The following NCLN variants were observed in gnomAD, a reference collection of about 807,000 sequenced individuals.
NCLN encodes nicalin.
Under a neutral mutation model 69.5 loss-of-function variants are expected in NCLN, and 34 were observed. That is an observed-to-expected ratio of 0.49 (90% CI 0.37 to 0.65). The LOEUF is 0.65. NCLN is among the 30% of genes least tolerant of loss of function. The pLI is 0.00. For missense variants in NCLN, 710 were observed against 804.8 expected (o/e 0.88, Z 1.42); for synonymous variants, 393 against 358.3 (o/e 1.10, Z -1.09).
chr19:3,208,065 C>T lies in NCLN; in HGVS notation c.*377C>T, dbSNP rs766913104. The T allele has an allele frequency of 3.7e-5, 9 of 241,458 alleles. No homozygotes were observed. The highest frequency in any genetic ancestry group is 6.5e-5 in the Non-Finnish European group (8 of 122,556). 15.0% of individuals were successfully genotyped at this position (241,458 alleles called of 1,614,324 possible). ...CCGATCGCGCGCGGCCTCCGCCCAC[C>T]GCCTCCTGCCGCAAGGGGCCTGGAC... On this transcript the variant is annotated 3_prime_UTR_variant, in exon 15 of 15. Coordinates refer to ENST00000246117, the MANE Select transcript of NCLN (RefSeq NM_020170.4).
chr19:3,198,924 C>A (rs1478907642), intron 5 of NCLN, 27 bp downstream of exon 5: 1 of 1,407,942 alleles, frequency 7.1e-7, no homozygotes. Context: ...CCATTCCCCC[C>A]ACCCCACAGG....
intron 12 of NCLN, 133 bp downstream of exon 12, chr19:3,206,558 C>G: frequency 1.7e-6 from 2 of 1,196,350 alleles, no homozygotes; most frequent in Non-Finnish European, 2.3e-6. Flanking sequence ...GGATGAGGGC[C>G]GGACACGGCG....
Position 3,190,491 on chromosome 19 carries a change from A to G in NCLN, c.185-1979A>G, listed in dbSNP as rs1223101972. Among the ~76,000 whole-genome samples, 4 of 152,156 alleles carry G rather than the reference A, an allele frequency of 2.6e-5. 1 individual carries two copies. The highest frequency in any genetic ancestry group is 5.9e-5 in the Non-Finnish European group (4 of 68,010). The stretch of plus-strand genomic sequence containing the variant: ...GGCTGCTTCCCTCCCACCGCTTCCC[A>G]GACAGCACATTGCTGGACACAGAGC... On this transcript the variant is annotated intron_variant, in intron 1 of 14. Transcript: ENST00000246117.
At chr19:3,202,206 C>T (rs1916144280) in intron 6 of NCLN, among the ~76,000 whole-genome samples, 1 of 152,102 alleles carries the variant, frequency 6.6e-6, no homozygotes, top group Non-Finnish European at 1.5e-5. Flanking sequence ...AAATCCACAC[C>T]CTGAGTAGGA....
intron 1 of NCLN, among the ~76,000 whole-genome samples, chr19:3,188,947 A>T (rs1181380517): frequency 2.0e-5 from 3 of 152,172 alleles, no homozygotes; most frequent in Non-Finnish European, 4.4e-5. Context: ...GAGAAGCCCC[A>T]GCGTGCTGCC....
intron 9 of NCLN, 27 bp downstream of exon 9, chr19:3,204,778 C>A: frequency 7.0e-7 from 1 of 1,419,672 alleles, no homozygotes; most frequent in East Asian, 2.8e-5. Context: ...CTGCCCGGCC[C>A]CTCCTAGGGC....
Position 3,205,875 on chromosome 19 carries a change from G to A in NCLN, c.1209-64G>A. 6.9e-7 allele frequency: 1 copy of A among 1,442,850 alleles called. No homozygotes were observed. Among genetic ancestry groups the A allele is most frequent in the African/African-American group, 1.4e-5 (1 of 71,528 alleles). 89.4% of individuals were successfully genotyped at this position (1,442,850 alleles called of 1,614,324 possible). On this transcript the variant is annotated intron_variant, in intron 9 of 14. Coordinates refer to ENST00000246117, the MANE Select transcript of NCLN (RefSeq NM_020170.4). The surrounding 1 kb of genome is among the most constrained non-coding windows in gnomAD (Gnocchi z 4.6). ...CTAGGCTGGAGTGCTGGGATTACAA[G>A]TGTGAGAGCTACCTTGCCTGGCCCA...
chr19:3,198,901 C>A lies in NCLN; in HGVS notation c.696+4C>A. The A allele has an allele frequency of 1.4e-6, 2 of 1,472,704 alleles. No homozygotes were observed. The highest frequency in any genetic ancestry group is 1.4e-5 in the South Asian group (1 of 72,984). 91.2% of individuals were successfully genotyped at this position (1,472,704 alleles called of 1,614,324 possible). A position where few individuals can be genotyped will look rare whatever the true frequency, so the allele number is the denominator to read the frequency against. ...CGACGCCTTTGGAGTGGCCCCCGTA[C>A]GTATGTGTGTCCCCATTCCCCCCAC... is the stretch of plus-strand genomic sequence containing the variant. On this transcript the variant is annotated splice_donor_region_variant and intron_variant, in intron 5 of 14. Transcript: ENST00000246117.
chr19:3,186,634 G>C (rs956740692), intron 1 of NCLN, among the ~76,000 whole-genome samples: 9 of 152,214 alleles, frequency 5.9e-5, no homozygotes, highest in Admixed American at 4.6e-4. Flanking sequence ...CTCCCGTCCT[G>C]ACCTCCAGCT....
intron 5 of NCLN, 97 bp from the exon 6 acceptor site, chr19:3,201,426 G>A (rs1474940441): frequency 9.7e-5 from 79 of 814,704 alleles, no homozygotes. Context: ...GTAGGGTGGG[G>A]GTGACGGAGA....
chr19:3,187,369 G>A (rs1915697763), intron 1 of NCLN, among the ~76,000 whole-genome samples: 1 of 152,106 alleles, frequency 6.6e-6, no homozygotes, highest in Non-Finnish European at 1.5e-5. Context: ...GGCCTTCCCT[G>A]TGAAGGAGTC....
chr19:3,190,266 C>CT (rs1164604633), intron 1 of NCLN, among the ~76,000 whole-genome samples: 2 of 152,186 alleles, frequency 1.3e-5, no homozygotes, highest in Non-Finnish European at 2.9e-5. Context: ...ATGTCAGGCT[C>CT]TGAGAGGGGA....
chr19:3,194,427 C>G (rs1915906427), intron 3 of NCLN, among the ~76,000 whole-genome samples: 1 of 152,156 alleles, frequency 6.6e-6, no homozygotes, highest in Non-Finnish European at 1.5e-5. Flanking sequence ...CAGTGGAATT[C>G]CAGATGCAGA....
intron 1 of NCLN, among the ~76,000 whole-genome samples, chr19:3,189,153 C>G (rs1406072957): frequency 6.6e-6 from 1 of 152,186 alleles, no homozygotes; most frequent in Non-Finnish European, 1.5e-5. Context: ...GCACAGCACC[C>G]CTCTCCTGGG....
At position 3,204,973 on chromosome 19, in the gene NCLN, G is replaced by T. The variant is rs1916228401; in HGVS notation, c.1208+222G>T. Among the ~76,000 whole-genome samples the T allele has an allele frequency of 2.0e-5, 3 of 152,178 alleles. No homozygotes were observed. In the South Asian group the frequency reaches 6.2e-4, roughly 31 times the overall value. On this transcript the variant is annotated intron_variant, in intron 9 of 14. Transcript: ENST00000246117. ...GCGAGGCCAGCAGCCTGAGGTCGTG[G>T]CCCCATATAGGACCCCCAGACCCCG...
At chr19:3,203,727 C>A in intron 6 of NCLN, 29 bp from the exon 7 acceptor site, 1 of 1,593,070 alleles carries the variant, frequency 6.3e-7, no homozygotes, top group Non-Finnish European at 8.6e-7. Context: ...GCTTGCCCGT[C>A]AAAGCTAACA....
intron 12 of NCLN, among the ~76,000 whole-genome samples, chr19:3,206,817 A>G (rs1031072752): frequency 6.6e-6 from 1 of 152,138 alleles, no homozygotes; most frequent in African/African-American, 2.4e-5. Flanking sequence ...CAAACTTTTT[A>G]AAGTTTTTAT....
At chr19:3,188,502 TC>T (rs1447822504) in intron 1 of NCLN, among the ~76,000 whole-genome samples, 1 of 151,912 alleles carries the variant, frequency 6.6e-6, no homozygotes. Flanking sequence ...CCGTTTTCCT[TC>T]CCCGATTCCC....
Position 3,192,457 on chromosome 19 carries a change from C to A in NCLN, c.185-13C>A. The A allele has an allele frequency of 6.3e-7, 1 of 1,575,846 alleles. No individual in the cohort carries two copies. Among genetic ancestry groups the A allele is most frequent in the Non-Finnish European group, 8.6e-7 (1 of 1,166,054 alleles). On this transcript the variant is annotated splice_polypyrimidine_tract_variant and intron_variant, in intron 1 of 14. Transcript: ENST00000246117. ...ACCCGCCGAGGCTCACGACCCCGCC[C>A]CTGTGCCCACAGGCACACGGAATGC... is the stretch of plus-strand genomic sequence containing the variant.
Sources: gnomAD v4.1 joint callset for allele counts (sites outside exome capture counted in the v4.1 genomes callset) on GRCh38, gnomAD v4.1.1 for gene constraint, Gnocchi (gnomAD v3.1) non-coding constraint, MANE v1.5 for transcripts, NCBI Gene and HGNC (gene_info 2026-07-23, HGNC 2026-07-21) for gene names.